TTN: variants seen among roughly 807,000 people sequenced by gnomAD.
TTN encodes the protein connectin.
A neutral mutation model predicts 3,223.0 loss-of-function variants in TTN; 1,525 were observed. That is an observed-to-expected ratio of 0.47 (90% CI 0.45 to 0.49). TTN has a LOEUF of 0.49. Ranked by LOEUF, TTN falls within the 20% of genes least tolerant of loss-of-function variation. The pLI, the probability that TTN is intolerant of heterozygous loss-of-function variation, is 0.00. For synonymous variants in TTN, 14,094 were observed against 15,161.0 expected, an observed-to-expected ratio of 0.93 and a Z score of 5.17; for missense variants, 40,786 against 43,424.0, an observed-to-expected ratio of 0.94 and a Z score of 5.40.
In TTN at chr2:178,575,917, A is replaced by T. The variant is rs1160706187; in HGVS notation, c.70215T>A (p.Cys23405Ter). Reference sequence around the variant, plus strand: ...CAAATTTACCGGTATCATATCTGTTACATTCTGGGATAATCAGAAGAGTAA... The same window carrying T: ...CAAATTTACCGGTATCATATCTGTTTCATTCTGGGATAATCAGAAGAGTAA... ...ESFTLLIIPE[C>*]NRYDTGKFVM... The change falls in exon 326 of 363, where the codon TGT (cysteine) becomes TGA (stop). Residue 23405 changes from cysteine (C) to a stop codon, truncating the protein, a stop_gained. Transcript: ENST00000589042. LOFTEE classifies it high-confidence loss of function. This position sits in a 1 kb window ranked among gnomAD's most constrained non-coding sequence, Gnocchi z 4.0. 1 of 1,613,518 alleles carries T rather than the reference A, an allele frequency of 6.2e-7. No homozygotes were observed. The highest frequency in any genetic ancestry group is 8.5e-7 in the Non-Finnish European group (1 of 1,179,588).
In TTN at chr2:178,670,272, C is replaced by A; in HGVS notation, c.35332G>T (p.Val11778Leu). Residue 11778 changes from valine (V) to leucine (L), a missense_variant, in exon 157 of 363, where the codon GTG (valine) becomes TTG (leucine). Physicochemically the swap from Val to Leu is conservative, Grantham distance 32. Transcript: ENST00000589042. ...AKVPEVPKKI[V>L]VEEKVRVPEE... The stretch of plus-strand genomic sequence containing the variant: ...GGAACACGTACTTTTTCTTCTACCA[C>A]AATTTTCTTAGGCACCTCCGGTACT... 1 of 1,491,358 alleles carries A rather than the reference C, an allele frequency of 6.7e-7. No homozygotes were observed. Among genetic ancestry groups the A allele is most frequent in the Admixed American group, 2.4e-5 (1 of 40,822 alleles). 92.4% of individuals were successfully genotyped at this position (1,491,358 alleles called of 1,614,324 possible).
Position 178,532,924 on chromosome 2 carries a change from G to A in TTN, c.103691C>T (p.Pro34564Leu). ...EEDQRIKQFV[P>L]MSDMKWYKKI... ...TTTATACCACTTCATGTCAGACATGGGCACGAACTGCTTGATGCGTTGGTC... is the reference window on the plus strand; with the variant it reads ...TTTATACCACTTCATGTCAGACATGAGCACGAACTGCTTGATGCGTTGGTC... The change falls in exon 358 of 363, where the codon CCC becomes CTC. Residue 34564 changes from proline to leucine, a missense_variant. By Grantham distance (98) the Pro-to-Leu change is moderately conservative (BLOSUM62 -3). Transcript: ENST00000589042. 6.2e-7 allele frequency: 1 copy of A among 1,613,782 alleles called. No homozygotes were observed.
intron 48 of TTN, among the ~76,000 whole-genome samples, chr2:178,738,629 AC>A (rs1342073943): frequency 6.6e-6 from 1 of 152,192 alleles, no homozygotes; most frequent in East Asian, 1.9e-4. Context: ...ATGCATAACA[AC>A]ATGATATATT....
chr2:178,766,632 AAAAAAC>A lies in TTN; in HGVS notation c.9472-26_9472-21del. On this transcript the variant is annotated intron_variant, in intron 40 of 362. Transcript: ENST00000589042. ...AATGACCTGTTGATGGAACAACATA[AAAAAAC>A]AACAACAACAACAAAAACTTGAAGC... The A allele has an allele frequency of 6.3e-7, 1 of 1,575,612 alleles. No homozygotes were observed. The highest frequency in any genetic ancestry group is 8.7e-7 in the Non-Finnish European group (1 of 1,149,626).
At position 178,771,491 on chromosome 2, in the gene TTN, C is replaced by T; in HGVS notation, c.7856-20G>A. 3 of 1,613,800 alleles carry T rather than the reference C, an allele frequency of 1.9e-6. No homozygotes were observed. The highest frequency in any genetic ancestry group is 2.5e-6 in the Non-Finnish European group (3 of 1,179,766). On this transcript the variant is annotated intron_variant, in intron 33 of 362. Coordinates refer to ENST00000589042, the MANE Select transcript of TTN (RefSeq NM_001267550.2). ...CCCCACCTTTGGAACAAGAGATGTA[C>T]AGTATGAGTCCTTTAAACATATTCA... is the stretch of plus-strand genomic sequence containing the variant.
At position 178,566,019 on chromosome 2, in the gene TTN, C is replaced by T. The variant is rs758610676; in HGVS notation, c.80113G>A (p.Glu26705Lys). 4 of 1,613,508 alleles carry T rather than the reference C, an allele frequency of 2.5e-6. No homozygotes were observed. The highest frequency in any genetic ancestry group is 2.2e-5 in the East Asian group (1 of 44,846). Residue 26705 changes from glutamate to lysine, a missense_variant, in exon 326 of 363, where the codon GAG becomes AAG. Coordinates refer to ENST00000589042, the MANE Select transcript of TTN (RefSeq NM_001267550.2). ...VRKDSAFLVW[E>K]PPIIDGGAKV... is the part of the protein sequence containing the mutation. ...GCCCCTCCATCAATGATGGGTGGCT[C>T]CCATACCAGGAAGGCAGAATCTTTT...
chr2:178,546,060 T>C lies in TTN; in HGVS notation c.95176A>G (p.Thr31726Ala), dbSNP rs761422470. 2.5e-6 allele frequency: 4 copies of C among 1,613,692 alleles called. No homozygotes were observed. The highest frequency in any genetic ancestry group is 3.3e-4 in the Middle Eastern group (2 of 6,054). Residue 31726 changes from threonine to alanine, a missense_variant, in exon 343 of 363, where the codon ACT becomes GCT. By Grantham distance (58) the Thr-to-Ala change is moderately conservative. Transcript: ENST00000589042. ...TCCTGCGGAAGGCTCCAGGCTAAAG[T>C]GCACTTCTCCTGTGTTACTCTGCTG... is the stretch of plus-strand genomic sequence containing the variant. The part of the protein sequence containing the change: ...TVSRVTQEKC[T>A]LAWSLPQEDG...
chr2:178,703,123 A>G (rs1267149501), intron 106 of TTN, among the ~76,000 whole-genome samples: 1 of 152,210 alleles, frequency 6.6e-6, no homozygotes, highest in East Asian at 1.9e-4. Flanking sequence ...TTTCAAACGC[A>G]ATCGGAAATC....
rs1361819707 is a variant in TTN, at chr2:178,601,903, A to G, written c.55281T>C (p.His18427=). 6.2e-7 allele frequency: 1 copy of G among 1,612,372 alleles called. No individual in the cohort carries two copies. Among genetic ancestry groups the G allele is most frequent in the Non-Finnish European group, 8.5e-7 (1 of 1,179,210 alleles). Residue 18427 remains histidine (H), a synonymous_variant, in exon 285 of 363, where the codon CAT becomes CAC. Transcript: ENST00000589042. Reference sequence around the variant, plus strand: ...TTACCTGTGCATCTTCGGGTATGTCATGAACTCCATCCTATTAGAAAAGGA... The same window carrying G: ...TTACCTGTGCATCTTCGGGTATGTCGTGAACTCCATCCTATTAGAAAAGGA... ...KAKKAMKDGV[H]DIPEDAQLET...
chr2:178,802,132 G>GCCTA lies in TTN; in HGVS notation c.295+2_295+5dup. ...GCAGAGGATTGGCAGGTCCCCAGCA[G>GCCTA]CCTACCTTTCACGAGAAGCTCAGCA... On this transcript the variant is annotated splice_donor_region_variant and intron_variant, in intron 3 of 362. Coordinates refer to ENST00000589042, the MANE Select transcript of TTN (RefSeq NM_001267550.2). 1 of 1,614,008 alleles carries GCCTA rather than the reference G, an allele frequency of 6.2e-7. No homozygotes were observed. The highest frequency in any genetic ancestry group is 8.5e-7 in the Non-Finnish European group (1 of 1,179,988).
rs779343098 is a variant in TTN, at chr2:178,588,561, G to A, written c.63164C>T (p.Pro21055Leu). 4 of 1,531,510 alleles carry A rather than the reference G, an allele frequency of 2.6e-6. No homozygotes were observed. Among genetic ancestry groups the A allele is most frequent in the East Asian group, 2.3e-5 (1 of 44,192 alleles). 94.9% of individuals were successfully genotyped at this position (1,531,510 alleles called of 1,614,324 possible). The change falls in exon 304 of 363, where the codon CCG (proline) becomes CTG (leucine). Residue 21055 changes from proline (P) to leucine (L), a missense_variant. Physicochemically the swap from Pro to Leu is moderately conservative, Grantham distance 98. Coordinates refer to ENST00000589042, the MANE Select transcript of TTN (RefSeq NM_001267550.2). ...GIGEPSLPSR[P>L]VVAKDPIEPP... ...ACCTATGGGGTCTTTTGCCACCACC[G>A]GTCTTGAAGGCAAGCTTGGTTCTCC...
intron 309 of TTN, 47 bp from the exon 310 acceptor site, chr2:178,585,015 G>C: frequency 1.2e-6 from 2 of 1,604,650 alleles, no homozygotes; most frequent in Non-Finnish European, 1.7e-6. Flanking sequence ...GATTTGATAC[G>C]TAAAAATATT....
rs879239139 is a variant in TTN, at chr2:178,552,928, G to A, written c.89972C>T (p.Ser29991Phe). Residue 29991 changes from serine (S) to phenylalanine (F), a missense_variant, in exon 335 of 363, where the codon TCC becomes TTC. Transcript: ENST00000589042. ...CTCCGACAAATCTATTAGCTTGAAG[G>A]ATGTGCTAGAACATTTGTGTGACAC... ...SVVSHKCSSTSFKLIDLSEKT... is the reference protein window; with the variant it reads ...SVVSHKCSSTFFKLIDLSEKT... 2.5e-6 allele frequency: 4 copies of A among 1,613,540 alleles called. No individual in the cohort carries two copies. The African/African-American group carries it at 5.3e-5, about 22-fold the overall frequency.
At chr2:178,600,716 G>A in intron 288 of TTN, 138 bp downstream of exon 288, 2 of 966,032 alleles carry the variant, frequency 2.1e-6, no homozygotes, top group Non-Finnish European at 3.3e-6. Context: ...GAGTAATTAA[G>A]TAATGTGCCC....
intron 100 of TTN, 120 bp downstream of exon 100, chr2:178,707,406 C>A (rs2154292951): frequency 8.3e-7 from 1 of 1,207,254 alleles, no homozygotes; most frequent in South Asian, 2.0e-5. Flanking sequence ...CTACAAATTG[C>A]AGATGAGCAA....
At chr2:178,750,541 T>C (rs2085157592) in intron 47 of TTN, 1 of 1,612,454 alleles carries the variant, frequency 6.2e-7, no homozygotes, top group Admixed American at 1.7e-5. Context: ...CATAAACTTC[T>C]TGAGATTCAA....
At chr2:178,536,596 T>G (rs1020857398) in intron 356 of TTN, 21 bp from the exon 357 acceptor site, 3 of 1,481,262 alleles carry the variant, frequency 2.0e-6, no homozygotes, top group Non-Finnish European at 2.7e-6. Flanking sequence ...AAAAAAAGAT[T>G]TGAGTCATGA....
rs765612779 is a variant in TTN, at chr2:178,598,534, T to G, written c.57083A>C (p.Lys19028Thr). 2 of 1,609,016 alleles carry G rather than the reference T, an allele frequency of 1.2e-6. No individual in the cohort carries two copies. Among genetic ancestry groups the G allele is most frequent in the Non-Finnish European group, 1.7e-6 (2 of 1,178,676 alleles). Residue 19028 changes from lysine (K) to threonine (T), a missense_variant, in exon 292 of 363, where the codon AAA (lysine) becomes ACA (threonine). Transcript: ENST00000589042. ...SKVTGYIVEY[K>T]EEGKEEWEKG... ...TTCCCATTCTTCTTTTCCTTCTTCTTTATATTCAACGATGTATCCAGTTAC... is the reference window on the plus strand; with the variant it reads ...TTCCCATTCTTCTTTTCCTTCTTCTGTATATTCAACGATGTATCCAGTTAC...
chr2:178,747,060 G>T, intron 47 of TTN: 1 of 1,613,106 alleles, frequency 6.2e-7, no homozygotes, highest in Middle Eastern at 1.7e-4. Context: ...TATCTCTCTA[G>T]TGCCTCCCCT....
Sources: allele counts gnomAD v4.1 joint callset (sites outside exome capture counted in the v4.1 genomes callset), GRCh38; gene constraint gnomAD v4.1.1; non-coding constraint Gnocchi (gnomAD v3.1); transcripts MANE v1.5; gene names NCBI Gene and HGNC (gene_info 2026-07-23, HGNC 2026-07-21).